CSMD2: variants seen among roughly 807,000 people sequenced by gnomAD.
CSMD2 encodes the protein CUB and Sushi multiple domains 2, also known as CUB and sushi domain-containing protein 2.
Under a neutral mutation model 398.5 loss-of-function variants are expected in CSMD2, and 130 were observed. The ratio of observed to expected loss-of-function variants is 0.33; its 90% confidence interval spans 0.28 to 0.38. The LOEUF (loss-of-function observed/expected upper bound fraction) is 0.38, where lower values mean the gene tolerates loss of function less well. CSMD2 is among the 10% of genes least tolerant of loss of function. The probability of loss-of-function intolerance (pLI) is 1.00; values close to 1 mark genes in which losing one functional copy is unlikely to be tolerated. For synonymous variants in CSMD2, 1,828 were observed against 1,908.5 expected (o/e 0.96, Z 1.10); for missense variants, 3,829 against 4,764.9 (o/e 0.80, Z 5.78).
At chr1:34,141,597 G>T (rs1235424798) in intron 1 of CSMD2, among the ~76,000 whole-genome samples, 1 of 152,192 alleles carries the variant, frequency 6.6e-6, no homozygotes, top group Non-Finnish European at 1.5e-5. Context: ...CAGTGTGTCT[G>T]AGGAACAGCA....
intron 4 of CSMD2, among the ~76,000 whole-genome samples, chr1:33,929,860 C>A (rs543460722): frequency 1.1e-4 from 17 of 152,226 alleles, no homozygotes; most frequent in African/African-American, 4.1e-4. Context: ...TTTTCCAGGT[C>A]TTCACACAAC....
intron 1 of CSMD2, among the ~76,000 whole-genome samples, chr1:34,135,124 A>C (rs1638584432): frequency 1.3e-5 from 2 of 152,202 alleles, no homozygotes; most frequent in Admixed American, 1.3e-4. Context: ...TAGCGTTACA[A>C]AGAACTTTCA....
intron 57 of CSMD2, among the ~76,000 whole-genome samples, chr1:33,544,273 ATTTT>A (rs34986232): frequency 2.2e-5 from 3 of 136,948 alleles, no homozygotes; most frequent in East Asian, 2.1e-4. Flanking sequence ...CGACCGGCTA[ATTTT>A]TTTTTTTTTT....
chr1:33,906,447 A>G (rs1030664649), intron 5 of CSMD2, among the ~76,000 whole-genome samples: 2 of 152,216 alleles, frequency 1.3e-5, no homozygotes, highest in Non-Finnish European at 2.9e-5. Context: ...TAAGGAGGCT[A>G]TTACATCCCT....
chr1:33,618,065 G>C (rs144393512), intron 37 of CSMD2, among the ~76,000 whole-genome samples: 1 of 152,258 alleles, frequency 6.6e-6, no homozygotes, highest in Non-Finnish European at 1.5e-5. Flanking sequence ...AAGAAGGAAG[G>C]AGAGCAGGGA....
In CSMD2 at chr1:33,743,507, A is replaced by G. The variant is rs1312648562; in HGVS notation, c.1946T>C (p.Leu649Pro). 6.2e-7 allele frequency: 1 copy of G among 1,614,022 alleles called. No homozygotes were observed. The highest frequency in any genetic ancestry group is 8.5e-7 in the Non-Finnish European group (1 of 1,180,046). ...GTGGATGCGGCTCTCAGGCCTGGCC[A>G]GGATGAGCCAGACACAGTGGAGGTG... Reference protein sequence around the residue: ...GNHLHCVWLILARPESRIHLA... With the variant: ...GNHLHCVWLIPARPESRIHLA... Residue 649 changes from leucine (L) to proline (P), a missense_variant, in exon 14 of 71, where the codon CTG becomes CCG. Physicochemically the swap from Leu to Pro is moderately conservative, Grantham distance 98. Coordinates refer to ENST00000373381, the MANE Select transcript of CSMD2 (RefSeq NM_001281956.2).
chr1:33,649,990 C>G (rs982868041), intron 28 of CSMD2, among the ~76,000 whole-genome samples: 7 of 152,150 alleles, frequency 4.6e-5, no homozygotes, highest in African/African-American at 1.7e-4. Flanking sequence ...GTCAACACAC[C>G]ATGGCTGGGT....
At chr1:33,670,269 T>G (rs1210766725) in intron 25 of CSMD2, among the ~76,000 whole-genome samples, 1 of 152,180 alleles carries the variant, frequency 6.6e-6, no homozygotes, top group East Asian at 1.9e-4. Flanking sequence ...TGCCAGTGTC[T>G]CATTCACTTC....
chr1:33,558,253 C>A (rs1658223588), intron 54 of CSMD2, among the ~76,000 whole-genome samples: 2 of 152,198 alleles, frequency 1.3e-5, no homozygotes, highest in African/African-American at 4.8e-5. Context: ...TGTCTAGTCT[C>A]CATATATCTG....
In CSMD2 at chr1:33,724,627, C is replaced by T. The variant is rs141404520; in HGVS notation, c.2773G>A (p.Val925Met). 3.7e-6 allele frequency: 6 copies of T among 1,614,048 alleles called. No homozygotes were observed. The highest frequency in any genetic ancestry group is 1.7e-5 in the Admixed American group (1 of 60,000). Reference sequence around the variant, plus strand: ...CAGCTGAAGGTCACCAGCGCGCCCACGTAGAAGTCATTCCCATGACGCTGT... The same window carrying T: ...CAGCTGAAGGTCACCAGCGCGCCCATGTAGAAGTCATTCCCATGACGCTGT... ...NGQRHGNDFYVGALVTFSCDS... is the reference protein window; with the variant it reads ...NGQRHGNDFYMGALVTFSCDS... The change falls in exon 18 of 71, where the codon GTG becomes ATG. Residue 925 changes from valine (V) to methionine (M), a missense_variant. By Grantham distance (21) the Val-to-Met change is conservative. This residue lies in a region of CSMD2 where 2,001 missense variants were observed against 2,567.1 expected (regional missense o/e 0.78). Transcript: ENST00000373381.
chr1:33,720,864 AT>A (rs1279642358), intron 19 of CSMD2, among the ~76,000 whole-genome samples: 10 of 151,544 alleles, frequency 6.6e-5, no homozygotes, highest in Admixed American at 2.0e-4. Flanking sequence ...CCGCCAAATA[AT>A]TTTTTTTGTA....
At chr1:33,811,223 G>A (rs1411468288) in intron 9 of CSMD2, among the ~76,000 whole-genome samples, 1 of 152,090 alleles carries the variant, frequency 6.6e-6, no homozygotes, top group Admixed American at 6.5e-5. Flanking sequence ...TGGATCGCAG[G>A]CACCTATGGA....
At chr1:33,593,030 G>A (rs1570864126) in intron 44 of CSMD2, among the ~76,000 whole-genome samples, 1 of 151,994 alleles carries the variant, frequency 6.6e-6, no homozygotes. Context: ...AAAGGTAGAA[G>A]CCACACAAAT....
At chr1:34,108,766 A>T (rs770070607) in intron 1 of CSMD2, among the ~76,000 whole-genome samples, 8 of 152,048 alleles carry the variant, frequency 5.3e-5, no homozygotes, top group Non-Finnish European at 1.0e-4. Context: ...AGTGCCCGAG[A>T]CTCTGTCTTC....
At chr1:33,913,712 G>A (rs1372536226) in intron 5 of CSMD2, among the ~76,000 whole-genome samples, 5 of 152,090 alleles carry the variant, frequency 3.3e-5, no homozygotes, top group African/African-American at 1.2e-4. Flanking sequence ...TTCCCAGTTC[G>A]ATGCCATGGT....
At chr1:33,538,583 G>C (rs1400603973) in intron 60 of CSMD2, among the ~76,000 whole-genome samples, 1 of 152,176 alleles carries the variant, frequency 6.6e-6, no homozygotes, top group Non-Finnish European at 1.5e-5. Flanking sequence ...GAAGGTTGGG[G>C]TGTCTATGCT....
chr1:33,963,142 A>AATG (rs1645427151), intron 3 of CSMD2, among the ~76,000 whole-genome samples: 1 of 152,104 alleles, frequency 6.6e-6, no homozygotes, highest in Admixed American at 6.5e-5. Flanking sequence ...CTTAAATGCA[A>AATG]CCCCAGCCAC....
At chr1:33,792,583 G>T (rs1654459586) in intron 10 of CSMD2, 57 bp from the exon 11 acceptor site, 3 of 1,148,550 alleles carry the variant, frequency 2.6e-6, no homozygotes, top group Admixed American at 3.4e-5. Flanking sequence ...GCCTTCCAAA[G>T]CCTTGAGGGG....
intron 13 of CSMD2, among the ~76,000 whole-genome samples, chr1:33,757,310 T>TA (rs201547347): frequency 0.019 from 2,923 of 151,368 alleles, 99 homozygotes; most frequent in African/African-American, 0.067. Flanking sequence ...AGTATAATAA[T>TA]AAAAAAAAAT....
Sources: gnomAD v4.1 joint callset for allele counts (sites outside exome capture counted in the v4.1 genomes callset) on GRCh38, gnomAD v4.1.1 for gene constraint, gnomAD v4.1.1 regional missense constraint, MANE v1.5 for transcripts, NCBI Gene and HGNC (gene_info 2026-07-23, HGNC 2026-07-21) for gene names.